The following BDKRB2 variants were observed in gnomAD, a reference collection of about 807,000 sequenced individuals.
BDKRB2 encodes the protein B2 bradykinin receptor.
Under a neutral mutation model 4.0 loss-of-function variants are expected in BDKRB2, and 6 were observed. The ratio of observed to expected loss-of-function variants is 1.49; its 90% CI spans 0.81 to 2.93. The LOEUF (loss-of-function observed/expected upper bound fraction) is 2.93. BDKRB2 is among the 30% of genes most tolerant of loss of function. BDKRB2 has a pLI of 0.00. For synonymous variants in BDKRB2, 225 were observed against 215.3 expected (o/e 1.05, Z -0.40); for missense variants, 478 against 520.1 (o/e 0.92, Z 0.79).
intron 1 of BDKRB2, among the ~76,000 whole-genome samples, chr14:96,210,518 G>A (rs978264426): frequency 6.6e-6 from 1 of 152,148 alleles, no homozygotes; most frequent in Admixed American, 6.5e-5. Flanking sequence ...AGCTAGGCTT[G>A]GATTGCAGAC....
chr14:96,212,013 AAAGCTCAG>A (rs1232325090), intron 1 of BDKRB2, among the ~76,000 whole-genome samples: 1 of 152,116 alleles, frequency 6.6e-6, no homozygotes, highest in Non-Finnish European at 1.5e-5. Context: ...TCTGCTCCTG[AAAGCTCAG>A]AAGATGTCTG....
Position 96,241,128 on chromosome 14 carries a change from G to A in BDKRB2, c.800G>A (p.Arg267Lys). The change falls in exon 3 of 3, where the codon AGG becomes AAG. Residue 267 changes from arginine (R) to lysine (K), a missense_variant. Physicochemically the swap from Arg to Lys is conservative, Grantham distance 26. Transcript: ENST00000554311. ...TTCAAGGAGATCCAGACAGAGAGGA[G>A]GGCCACGGTGCTAGTCCTGGTTGTG... ...QKFKEIQTER[R>K]ATVLVLVVLL... 2 of 1,612,926 alleles carry A rather than the reference G, an allele frequency of 1.2e-6. No homozygotes were observed. The highest frequency in any genetic ancestry group is 1.7e-6 in the Non-Finnish European group (2 of 1,179,728).
At chr14:96,240,006 G>A in intron 2 of BDKRB2, 1 of 1,003,836 alleles carries the variant, frequency 1.0e-6, no homozygotes, top group Non-Finnish European at 1.2e-6. Flanking sequence ...CCACCACACG[G>A]CTTTGAGAGG....
intron 1 of BDKRB2, among the ~76,000 whole-genome samples, chr14:96,215,193 C>T (rs1183357694): frequency 1.3e-5 from 2 of 152,202 alleles, no homozygotes; most frequent in African/African-American, 4.8e-5. Context: ...TTTGCCTTCT[C>T]AACTTTTGAA....
intron 2 of BDKRB2, chr14:96,238,195 C>A: frequency 4.0e-6 from 3 of 749,184 alleles, no homozygotes; most frequent in Non-Finnish European, 4.9e-6. Flanking sequence ...AAAAGCGTAA[C>A]TGGGGCCAGA....
Position 96,243,941 on chromosome 14 carries a change from GCAATGGCC to G in BDKRB2, c.*2438_*2445del, listed in dbSNP as rs1885373559. The stretch of plus-strand genomic sequence containing the variant: ...ACTCTCTTAGGAGCAGAGCTCTGCC[GCAATGGCC>G]ATGTGGGGATCCACACCTGGTCTGA... On this transcript the variant is annotated 3_prime_UTR_variant, in exon 3 of 3. Coordinates refer to ENST00000554311, the MANE Select transcript of BDKRB2 (RefSeq NM_001379692.1). 1 of 369,912 alleles carries G rather than the reference GCAATGGCC, an allele frequency of 2.7e-6. No individual in the cohort carries two copies. Among genetic ancestry groups the G allele is most frequent in the Non-Finnish European group, 4.8e-6 (1 of 208,748 alleles). The allele number at this position is 369,912 out of a possible 1,614,324, so 22.9% of individuals were successfully genotyped here.
At chr14:96,223,818 TA>T (rs749692153) in intron 1 of BDKRB2, among the ~76,000 whole-genome samples, 3,025 of 141,078 alleles carry the variant, frequency 0.021, 93 homozygotes, top group African/African-American at 0.06. Context: ...TTTTATAATC[TA>T]AAAAAAAAAA....
At chr14:96,205,637 T>C (rs1890160873) in intron 1 of BDKRB2, among the ~76,000 whole-genome samples, 1 of 152,258 alleles carries the variant, frequency 6.6e-6, no homozygotes, top group South Asian at 2.1e-4. Flanking sequence ...GCACCGGCTT[T>C]GCATCCGGCC....
At chr14:96,227,368 G>A (rs1329540405) in intron 1 of BDKRB2, among the ~76,000 whole-genome samples, 1 of 152,154 alleles carries the variant, frequency 6.6e-6, no homozygotes, top group African/African-American at 2.4e-5. Context: ...AGAAACTGAG[G>A]CCCTGAGGAG....
At chr14:96,212,241 T>A (rs1890319415) in intron 1 of BDKRB2, among the ~76,000 whole-genome samples, 1 of 152,214 alleles carries the variant, frequency 6.6e-6, no homozygotes, top group African/African-American at 2.4e-5. Context: ...GAAAACACTG[T>A]TACATCAAAG....
intron 1 of BDKRB2, among the ~76,000 whole-genome samples, chr14:96,229,470 T>C (rs1029669192): frequency 6.6e-6 from 1 of 152,190 alleles, no homozygotes; most frequent in Admixed American, 6.5e-5. Context: ...AGATCTGCTC[T>C]AAGTCCTTTC....
intron 2 of BDKRB2, chr14:96,237,823 G>A (rs555754699): frequency 2.1e-5 from 27 of 1,289,708 alleles, no homozygotes; most frequent in East Asian, 1.7e-4. Flanking sequence ...CTGATGATCC[G>A]ATGGCTTCTC....
At position 96,204,866 on chromosome 14, in the gene BDKRB2, G is replaced by C; in HGVS notation, c.-133G>C. ...TCCAGCTCTGGCTTCTGGGCTCCGA[G>C]GAGGGGTGGGGACGGTGGGGACGGT... On this transcript the variant is annotated 5_prime_UTR_variant, in exon 1 of 3. Transcript: ENST00000554311. The C allele has an allele frequency of 2.9e-6, 1 of 341,480 alleles. No individual in the cohort carries two copies. Among genetic ancestry groups the C allele is most frequent in the Non-Finnish European group, 5.7e-6 (1 of 174,098 alleles). 21.2% of individuals were successfully genotyped at this position (341,480 alleles called of 1,614,324 possible). A position where few individuals can be genotyped will look rare whatever the true frequency, so the allele number is the denominator to read the frequency against.
At chr14:96,212,574 A>AGTGCT (rs922770855) in intron 1 of BDKRB2, among the ~76,000 whole-genome samples, 3 of 152,180 alleles carry the variant, frequency 2.0e-5, no homozygotes, top group African/African-American at 7.2e-5. Context: ...AATCCCAGGA[A>AGTGCT]GTGCTATGTG....
intron 1 of BDKRB2, among the ~76,000 whole-genome samples, chr14:96,220,194 C>T (rs12588248): frequency 4.3e-4 from 66 of 152,056 alleles, no homozygotes; most frequent in South Asian, 1.2e-3. Flanking sequence ...AGCCCAAGTA[C>T]CAGGTCCCAG....
intron 1 of BDKRB2, chr14:96,223,074 G>C: frequency 6.5e-6 from 6 of 927,986 alleles, no homozygotes; most frequent in Non-Finnish European, 8.7e-6. Flanking sequence ...GGAGGTTGGC[G>C]GCACAGGGCT....
chr14:96,218,441 G>A (rs1350889002), intron 1 of BDKRB2, among the ~76,000 whole-genome samples: 1 of 151,986 alleles, frequency 6.6e-6, no homozygotes, highest in African/African-American at 2.4e-5. Context: ...ACCTCCATAA[G>A]CCCCTCGCTG....
Position 96,204,874 on chromosome 14 carries a change from GGGGA to G in BDKRB2, c.-124_-121del, listed in dbSNP as rs1890135948. ...TGGCTTCTGGGCTCCGAGGAGGGGT[GGGGA>G]CGGTGGGGACGGTGGGGACATCAGG... On this transcript the variant is annotated 5_prime_UTR_variant, in exon 1 of 3. Coordinates refer to ENST00000554311, the MANE Select transcript of BDKRB2 (RefSeq NM_001379692.1). 1.2e-5 allele frequency: 1 copy of G among 85,062 alleles called. No homozygotes were observed. The highest frequency in any genetic ancestry group is 6.9e-5 in the African/African-American group (1 of 14,440). The allele number at this position is 85,062 out of a possible 1,614,324, so 5.3% of individuals were successfully genotyped here.
chr14:96,238,600 A>G (rs1431431707), intron 2 of BDKRB2: 34 of 984,674 alleles, frequency 3.5e-5, no homozygotes, highest in Non-Finnish European at 4.1e-5. Context: ...ACCTCTTGCT[A>G]CTTCCCACCT....
Sources: gnomAD v4.1 joint callset for allele counts (sites outside exome capture counted in the v4.1 genomes callset) on GRCh38, gnomAD v4.1.1 for gene constraint, MANE v1.5 for transcripts, NCBI Gene and HGNC (gene_info 2026-07-23, HGNC 2026-07-21) for gene names.